MKRN2: variants seen among roughly 807,000 people sequenced by gnomAD.
The protein encoded by MKRN2 is E3 ubiquitin-protein ligase makorin-2.
MKRN2 carries 32 observed loss-of-function variants against 45.4 expected under a neutral mutation model. That is an observed-to-expected ratio of 0.70 (90% CI 0.53 to 0.95). The LOEUF is 0.95. MKRN2 is among the 40% of genes least tolerant of loss of function. The pLI, the probability that MKRN2 is intolerant of heterozygous loss-of-function variation, is 0.00. For synonymous variants in MKRN2, 206 were observed against 192.4 expected (o/e 1.07, Z -0.59); for missense variants, 526 against 536.7 (o/e 0.98, Z 0.20).
chr3:12,562,945 AAATG>A (rs1381023173), intron 1 of MKRN2, among the ~76,000 whole-genome samples: 2 of 152,132 alleles, frequency 1.3e-5, no homozygotes, highest in Non-Finnish European at 1.5e-5. Flanking sequence ...AGTGCACAAT[AAATG>A]TAATGTGCTT....
chr3:12,567,346 C>T (rs542719583), intron 1 of MKRN2, among the ~76,000 whole-genome samples: 2 of 151,454 alleles, frequency 1.3e-5, no homozygotes, highest in African/African-American at 4.9e-5. Context: ...ATCATGGCTA[C>T]TGCAGCCTTG....
chr3:12,571,668 A>AT (rs1186686799), intron 3 of MKRN2, among the ~76,000 whole-genome samples: 6 of 152,084 alleles, frequency 3.9e-5, no homozygotes, highest in Non-Finnish European at 7.4e-5. Context: ...ACTTAAAATG[A>AT]TTTTACCTTT....
chr3:12,578,308 AC>A (rs1559392104), intron 6 of MKRN2, among the ~76,000 whole-genome samples: 33 of 135,008 alleles, frequency 2.4e-4, no homozygotes, highest in African/African-American at 9.3e-4. Context: ...GATAAGAGCT[AC>A]TTCTTTTTTT....
chr3:12,557,661 AGTT>A (rs1219349721), intron 1 of MKRN2, among the ~76,000 whole-genome samples: 8 of 152,216 alleles, frequency 5.3e-5, no homozygotes, highest in East Asian at 1.9e-4. Flanking sequence ...AACAAGTAAA[AGTT>A]GTTGTGTGGA....
At chr3:12,574,759 C>T in intron 4 of MKRN2, 33 bp from the exon 5 acceptor site, 1 of 1,591,988 alleles carries the variant, frequency 6.3e-7, no homozygotes, top group Non-Finnish European at 8.6e-7. Context: ...CAGTGGCCCA[C>T]AACCAAAGCC....
intron 1 of MKRN2, among the ~76,000 whole-genome samples, chr3:12,557,642 C>T (rs1449550452): frequency 6.6e-6 from 1 of 152,224 alleles, no homozygotes; most frequent in South Asian, 2.1e-4. Flanking sequence ...TCTAAACTTG[C>T]AGAGAGTTAA....
intron 5 of MKRN2, among the ~76,000 whole-genome samples, chr3:12,575,649 T>C (rs1191001156): frequency 6.6e-6 from 1 of 152,168 alleles, no homozygotes; most frequent in East Asian, 1.9e-4. Flanking sequence ...GTAATTTGCC[T>C]AAAATCGTGT....
chr3:12,566,011 G>A (rs901112033), intron 1 of MKRN2, among the ~76,000 whole-genome samples: 1 of 151,886 alleles, frequency 6.6e-6, no homozygotes, highest in African/African-American at 2.4e-5. Flanking sequence ...TAGCCATCAT[G>A]CACGGCTGAT....
intron 6 of MKRN2, among the ~76,000 whole-genome samples, chr3:12,578,863 T>TTTA (rs1232764926): frequency 1.4e-3 from 146 of 107,914 alleles, no homozygotes; most frequent in African/African-American, 5.7e-3. Context: ...GCTTGATTTT[T>TTTA]TTTTTTTTTT....
At chr3:12,561,603 A>G (rs1042717909) in intron 1 of MKRN2, among the ~76,000 whole-genome samples, 1 of 152,194 alleles carries the variant, frequency 6.6e-6, no homozygotes, top group Non-Finnish European at 1.5e-5. Context: ...TGGGCAACAT[A>G]GCAAGATCCT....
At position 12,572,268 on chromosome 3, in the gene MKRN2, C is replaced by T. The variant is rs2058104499; in HGVS notation, c.537C>T (p.Cys179=). The T allele has an allele frequency of 6.2e-7, 1 of 1,614,000 alleles. No individual in the cohort carries two copies. ...GCCCCTACGCAGCTGCTGGGGAGTG[C>T]CGGTTTGGGGATGCCTGTGTCTACC... ...QLCPYAAAGE[C]RFGDACVYLH... is the part of the protein sequence containing the mutation. Residue 179 remains cysteine, a synonymous_variant, in exon 4 of 8, where the codon TGC becomes TGT. Transcript: ENST00000170447.
chr3:12,566,722 C>T (rs756387074), intron 1 of MKRN2, among the ~76,000 whole-genome samples: 13 of 152,208 alleles, frequency 8.5e-5, no homozygotes, highest in Non-Finnish European at 1.5e-4. Context: ...CCTGCCTCAG[C>T]CTCCCAAGTA....
intron 3 of MKRN2, among the ~76,000 whole-genome samples, chr3:12,571,114 T>TG (rs111289325): frequency 6.6e-6 from 1 of 150,394 alleles, no homozygotes; most frequent in Non-Finnish European, 1.5e-5. Flanking sequence ...TTGTTGTGTT[T>TG]TTTGTTTGTT....
chr3:12,558,155 T>G (rs1406256487), intron 1 of MKRN2, among the ~76,000 whole-genome samples: 1 of 152,268 alleles, frequency 6.6e-6, no homozygotes, highest in Admixed American at 6.5e-5. Context: ...TTGTTACTTC[T>G]CTTCATTGGT....
intron 1 of MKRN2, 120 bp from the exon 2 acceptor site, chr3:12,568,755 A>T (rs763315528): frequency 9.9e-5 from 133 of 1,340,954 alleles, no homozygotes; most frequent in Non-Finnish European, 1.3e-4. Flanking sequence ...CCAGTGCCTA[A>T]TAGAGCCTTT....
At chr3:12,559,440 T>G (rs2058017530) in intron 1 of MKRN2, among the ~76,000 whole-genome samples, 1 of 152,166 alleles carries the variant, frequency 6.6e-6, no homozygotes, top group Non-Finnish European at 1.5e-5. Context: ...TTGTTTGTTT[T>G]TTTGTTTTTT....
At chr3:12,567,814 A>G (rs1254724551) in intron 1 of MKRN2, among the ~76,000 whole-genome samples, 1 of 151,962 alleles carries the variant, frequency 6.6e-6, no homozygotes, top group African/African-American at 2.4e-5. Flanking sequence ...ATATCAAGAC[A>G]TGTTCATCTA....
chr3:12,574,645 G>A (rs537201923), intron 4 of MKRN2, 147 bp from the exon 5 acceptor site: 2 of 725,604 alleles, frequency 2.8e-6, no homozygotes, highest in Admixed American at 2.4e-5. Flanking sequence ...GTCCTGACTT[G>A]GGGGAGCCTG....
At chr3:12,581,705 C>A in intron 6 of MKRN2, 103 bp from the exon 7 acceptor site, 1 of 1,328,206 alleles carries the variant, frequency 7.5e-7, no homozygotes. Context: ...GTGAGGCTGA[C>A]CTACCTCTGG....
Sources: allele counts gnomAD v4.1 joint callset (sites outside exome capture counted in the v4.1 genomes callset), GRCh38; gene constraint gnomAD v4.1.1; transcripts MANE v1.5; gene names NCBI Gene and HGNC (gene_info 2026-07-23, HGNC 2026-07-21).